B4GALT6: variants seen among roughly 807,000 people sequenced by gnomAD.
The protein encoded by B4GALT6 is beta-1,4-galactosyltransferase 6.
Under a neutral mutation model 46.3 loss-of-function variants are expected in B4GALT6, and 14 were observed. The observed-to-expected ratio is 0.30, with a 90% CI of 0.20 to 0.47. The LOEUF is 0.47. Ranked by LOEUF, B4GALT6 falls within the 20% of genes least tolerant of loss-of-function variation. B4GALT6 has a pLI of 0.99. For missense variants in B4GALT6, 386 were observed against 480.1 expected, an observed-to-expected ratio of 0.80 and a Z score of 1.83; for synonymous variants, 168 against 162.0, an observed-to-expected ratio of 1.04 and a Z score of -0.28.
At chr18:31,669,385 CCTTTT>C (rs1350629243) in intron 1 of B4GALT6, among the ~76,000 whole-genome samples, 2 of 152,218 alleles carry the variant, frequency 1.3e-5, no homozygotes, top group South Asian at 2.1e-4. Context: ...GCAAGCACTC[CCTTTT>C]ATTTTTATAA....
Position 31,680,579 on chromosome 18 carries a change from C to T in B4GALT6, c.115+3733G>A, listed in dbSNP as rs974669810. 2.6e-5 allele frequency among the ~76,000 whole-genome samples: 4 copies of T among 152,124 alleles called. No individual in the cohort carries two copies. In the East Asian group the frequency reaches 5.8e-4, roughly 22 times the overall value. On this transcript the variant is annotated intron_variant, in intron 1 of 8. Coordinates refer to ENST00000306851, the MANE Select transcript of B4GALT6 (RefSeq NM_004775.5). The stretch of plus-strand genomic sequence containing the variant: ...CCTCTACCCAGAGAGCAAAACAGCC[C>T]GTCAGTGTGTCTAGGAAAGGTCAGG...
At chr18:31,660,177 C>T (rs927028789) in intron 2 of B4GALT6, among the ~76,000 whole-genome samples, 3 of 151,862 alleles carry the variant, frequency 2.0e-5, no homozygotes, top group Non-Finnish European at 2.9e-5. Flanking sequence ...TCCAACTCCT[C>T]GGCTCAAGCA....
At chr18:31,654,890 T>TA (rs1567971993) in intron 3 of B4GALT6, among the ~76,000 whole-genome samples, 2 of 152,106 alleles carry the variant, frequency 1.3e-5, no homozygotes, top group South Asian at 2.1e-4. Context: ...TCTTTTTAAG[T>TA]AAAAAAATGT....
chr18:31,655,587 G>A (rs2074128620), intron 3 of B4GALT6, among the ~76,000 whole-genome samples: 1 of 152,072 alleles, frequency 6.6e-6, no homozygotes, highest in Admixed American at 6.6e-5. Flanking sequence ...ATGATGAAGT[G>A]GCAGACAGAT....
upstream of B4GALT6, among the ~76,000 whole-genome samples, chr18:31,685,047 CGAG>C: frequency 6.9e-6 from 1 of 145,968 alleles, no homozygotes; most frequent in Non-Finnish European, 1.5e-5. Flanking sequence ...CCCTCGGGGC[CGAG>C]GAGCTGGGCG....
At chr18:31,638,880 T>C (rs575922354) in intron 4 of B4GALT6, 120 bp from the exon 5 acceptor site, 2 of 773,552 alleles carry the variant, frequency 2.6e-6, no homozygotes, top group South Asian at 3.6e-5. Flanking sequence ...ATGAATTTTC[T>C]CATCAGAGAT....
At chr18:31,719,579 G>T in the B4GALT6 span, among the ~76,000 whole-genome samples, 1 of 152,178 alleles carries the variant, frequency 6.6e-6, no homozygotes, top group African/African-American at 2.4e-5. Context: ...AAGACAGGGG[G>T]ATTTCAATAG....
chr18:31,651,724 G>A (rs1209560909), intron 3 of B4GALT6, among the ~76,000 whole-genome samples: 2 of 151,972 alleles, frequency 1.3e-5, no homozygotes, highest in African/African-American at 4.8e-5. Flanking sequence ...TGGCTCTATG[G>A]AGACCTCCCT....
At chr18:31,666,793 T>C (rs2074288133) in intron 1 of B4GALT6, among the ~76,000 whole-genome samples, 1 of 152,134 alleles carries the variant, frequency 6.6e-6, no homozygotes, top group African/African-American at 2.4e-5. Flanking sequence ...TAGGATTCCT[T>C]ATAAATCCCA....
intron 1 of B4GALT6, among the ~76,000 whole-genome samples, chr18:31,679,221 T>A (rs537910831): frequency 6.6e-6 from 1 of 152,344 alleles, no homozygotes; most frequent in African/African-American, 2.4e-5. Flanking sequence ...TTCAAATGTA[T>A]TTGTAAAAGG....
chr18:31,697,092 A>G, the B4GALT6 span, among the ~76,000 whole-genome samples: 1 of 152,142 alleles, frequency 6.6e-6, no homozygotes, highest in African/African-American at 2.4e-5. Flanking sequence ...GCAGCATGGC[A>G]AAATCCCATC....
chr18:31,631,692 A>G (rs2073794010), intron 5 of B4GALT6, among the ~76,000 whole-genome samples: 1 of 152,194 alleles, frequency 6.6e-6, no homozygotes, highest in South Asian at 2.1e-4. Context: ...GACTAAGAGA[A>G]GAGGAAACTG....
the B4GALT6 span, among the ~76,000 whole-genome samples, chr18:31,721,652 C>A: frequency 2.0e-5 from 3 of 152,160 alleles, no homozygotes; most frequent in African/African-American, 7.2e-5. Context: ...GTCTTAAGAA[C>A]AAAGACGAAG....
In B4GALT6 at chr18:31,629,039, G is replaced by A. The variant is rs182754032; in HGVS notation, c.777-1918C>T. Among the ~76,000 whole-genome samples the A allele has an allele frequency of 3.7e-3, 569 of 152,302 alleles. 11 individuals carry two copies. Among genetic ancestry groups the A allele is most frequent in the Admixed American group, 0.033 (499 of 15,296 alleles). On this transcript the variant is annotated intron_variant, in intron 6 of 8. Coordinates refer to ENST00000306851, the MANE Select transcript of B4GALT6 (RefSeq NM_004775.5). The stretch of plus-strand genomic sequence containing the variant: ...AGGACGATGAGGATGAAGACCTTCA[G>A]GATGATCCACTTCCACTTAATGGAC...
chr18:31,667,887 C>T (rs993960194), intron 1 of B4GALT6, among the ~76,000 whole-genome samples: 2 of 151,968 alleles, frequency 1.3e-5, no homozygotes, highest in Non-Finnish European at 2.9e-5. Flanking sequence ...ATGAGGTCAA[C>T]AGATCGAGAC....
chr18:31,634,395 G>C (rs2073831868), intron 5 of B4GALT6, among the ~76,000 whole-genome samples: 2 of 152,222 alleles, frequency 1.3e-5, no homozygotes, highest in East Asian at 3.8e-4. Flanking sequence ...CTTTAGTGCA[G>C]TGCTTCAGCC....
the B4GALT6 span, among the ~76,000 whole-genome samples, chr18:31,712,917 A>G: frequency 6.6e-6 from 1 of 152,252 alleles, no homozygotes; most frequent in Non-Finnish European, 1.5e-5. Flanking sequence ...CAGAAATCAT[A>G]TAAAAACAAT....
At chr18:31,653,847 A>G (rs2074106412) in intron 3 of B4GALT6, among the ~76,000 whole-genome samples, 2 of 152,088 alleles carry the variant, frequency 1.3e-5, no homozygotes, top group Admixed American at 1.3e-4. Context: ...ACCTGCTTCT[A>G]TGAACAACAC....
chr18:31,659,810 T>C (rs1293700882), intron 2 of B4GALT6, among the ~76,000 whole-genome samples: 1 of 152,104 alleles, frequency 6.6e-6, no homozygotes, highest in Non-Finnish European at 1.5e-5. Flanking sequence ...TTAATTGTTT[T>C]GTATGCCCAG....
Sources: allele counts gnomAD v4.1 joint callset (sites outside exome capture counted in the v4.1 genomes callset), GRCh38; gene constraint gnomAD v4.1.1; transcripts MANE v1.5; gene names NCBI Gene and HGNC (gene_info 2026-07-23, HGNC 2026-07-21).